AKAP6: variants seen among roughly 807,000 people sequenced by gnomAD.
AKAP6 encodes the protein A-kinase anchor protein 6.
Under a neutral mutation model 188.5 loss-of-function variants are expected in AKAP6, and 58 were observed. The ratio of observed to expected loss-of-function variants is 0.31; its 90% CI spans 0.25 to 0.38. The LOEUF (loss-of-function observed/expected upper bound fraction) is 0.38, where lower values mean the gene tolerates loss of function less well. AKAP6 is among the 10% of genes least tolerant of loss of function. The probability of loss-of-function intolerance (pLI) is 1.00; values close to 1 mark genes in which losing one functional copy is unlikely to be tolerated. For synonymous variants in AKAP6, 989 were observed against 998.6 expected (o/e 0.99, Z 0.18); for missense variants, 2,710 against 2,740.0 (o/e 0.99, Z 0.24).
intron 5 of AKAP6, among the ~76,000 whole-genome samples, chr14:32,598,328 A>G (rs1256281441): frequency 6.6e-6 from 1 of 152,170 alleles, no homozygotes; most frequent in African/African-American, 2.4e-5. Context: ...TTCAAAATCC[A>G]TGCTTGCTCC....
chr14:32,389,755 C>T (rs1213858580), intron 1 of AKAP6, among the ~76,000 whole-genome samples: 2 of 152,118 alleles, frequency 1.3e-5, no homozygotes, highest in Admixed American at 6.5e-5. Context: ...TTACCTGGTG[C>T]TTTTGTCTCA....
intron 9 of AKAP6, among the ~76,000 whole-genome samples, chr14:32,722,368 A>T (rs997781820): frequency 6.6e-6 from 1 of 152,054 alleles, no homozygotes; most frequent in Non-Finnish European, 1.5e-5. Flanking sequence ...TCTTAATTCA[A>T]TCCAAAATCA....
At chr14:32,602,270 A>C (rs950005861) in intron 7 of AKAP6, among the ~76,000 whole-genome samples, 2 of 152,142 alleles carry the variant, frequency 1.3e-5, no homozygotes, top group Non-Finnish European at 2.9e-5. Context: ...CTGAGGCAGG[A>C]GGATCACTTG....
intron 12 of AKAP6, among the ~76,000 whole-genome samples, chr14:32,788,063 G>A (rs1023003011): frequency 3.8e-5 from 5 of 130,186 alleles, no homozygotes; most frequent in South Asian, 2.4e-4. Flanking sequence ...AAAAAAAAAA[G>A]AAGGTGGGAA....
chr14:32,694,254 G>A (rs1490699234), intron 8 of AKAP6, among the ~76,000 whole-genome samples: 2 of 151,950 alleles, frequency 1.3e-5, no homozygotes, highest in Admixed American at 6.6e-5. Context: ...CCAGCTACTC[G>A]GGAGGCTGAG....
At chr14:32,727,261 A>C (rs1286888849) in intron 9 of AKAP6, among the ~76,000 whole-genome samples, 1 of 152,174 alleles carries the variant, frequency 6.6e-6, no homozygotes, top group Non-Finnish European at 1.5e-5. Context: ...TATGAAATTG[A>C]CATGAAAGTT....
intron 1 of AKAP6, among the ~76,000 whole-genome samples, chr14:32,408,202 C>G (rs868652608): frequency 8.5e-5 from 13 of 152,218 alleles, no homozygotes; most frequent in African/African-American, 3.1e-4. Flanking sequence ...AAGACTCTGG[C>G]TGGCTGGGAG....
chr14:32,424,150 A>G (rs1889952652), intron 1 of AKAP6, among the ~76,000 whole-genome samples: 2 of 152,138 alleles, frequency 1.3e-5, no homozygotes, highest in Admixed American at 1.3e-4. Context: ...GAGTGCATGT[A>G]TTGACTTTCC....
In AKAP6 at chr14:32,836,526, A is replaced by G. The variant is rs1455423235; in HGVS notation, c.*6721A>G. The G allele has an allele frequency of 6.6e-6, 1 of 152,150 alleles. No homozygotes were observed. Among genetic ancestry groups the G allele is most frequent in the Non-Finnish European group, 1.5e-5 (1 of 68,032 alleles). The allele number at this position is 152,150 out of a possible 1,614,324, so 9.4% of individuals were successfully genotyped here. A position where few individuals can be genotyped will look rare whatever the true frequency, so the allele number is the denominator to read the frequency against. Reference sequence around the variant, plus strand: ...ATAGACACTTCCAGGCTTTTGCCAAACATTAGTAAACAATTTCCAGTGAAT... The same window carrying G: ...ATAGACACTTCCAGGCTTTTGCCAAGCATTAGTAAACAATTTCCAGTGAAT... On this transcript the variant is annotated 3_prime_UTR_variant, in exon 14 of 14. Coordinates refer to ENST00000280979, the MANE Select transcript of AKAP6 (RefSeq NM_004274.5).
Position 32,834,063 on chromosome 14 carries a change from C to T in AKAP6, c.*4258C>T, listed in dbSNP as rs1428310771. On this transcript the variant is annotated 3_prime_UTR_variant, in exon 14 of 14. Transcript: ENST00000280979. ...TGTGTTAGCTGAGAACATGGGTATT[C>T]TTCTGCAAGTCTACAATACCATCTT... 1 of 152,150 alleles carries T rather than the reference C, an allele frequency of 6.6e-6. No homozygotes were observed. Among genetic ancestry groups the T allele is most frequent in the Non-Finnish European group, 1.5e-5 (1 of 68,038 alleles). 9.4% of individuals were successfully genotyped at this position (152,150 alleles called of 1,614,324 possible).
chr14:32,588,051 A>T (rs2139308348), intron 5 of AKAP6, among the ~76,000 whole-genome samples: 1 of 152,346 alleles, frequency 6.6e-6, no homozygotes, highest in East Asian at 1.9e-4. Context: ...ACTGGAAAAA[A>T]ATCAAATTGT....
Position 32,596,054 on chromosome 14 carries a change from A to G in AKAP6, c.2470-3356A>G, listed in dbSNP as rs567833224. On this transcript the variant is annotated intron_variant, in intron 5 of 13. Coordinates refer to ENST00000280979, the MANE Select transcript of AKAP6 (RefSeq NM_004274.5). ...GCTTGTTCATGAACATCACAAGACT[A>G]ATGGAACTCAGTGCACCTGGCAAAA... is the stretch of plus-strand genomic sequence containing the variant. 4.6e-5 allele frequency among the ~76,000 whole-genome samples: 7 copies of G among 152,258 alleles called. No homozygotes were observed. The East Asian group carries it at 1.2e-3, about 25-fold the overall frequency.
intron 4 of AKAP6, among the ~76,000 whole-genome samples, chr14:32,548,671 A>G (rs1883317055): frequency 6.6e-6 from 1 of 152,208 alleles, no homozygotes; most frequent in African/African-American, 2.4e-5. Context: ...AGAGACAGAG[A>G]CAGACAAACC....
At position 32,439,543 on chromosome 14, in the gene AKAP6, T is replaced by G. The variant is rs1890499089; in HGVS notation, c.324+5726T>G. On this transcript the variant is annotated intron_variant, in intron 2 of 13. Transcript: ENST00000280979. ...TGGCTGAAGCCAACTTTCCCCTTGTTCAGCAGGTGCAAAAGGGAAGGATTA... is the reference window on the plus strand; with the variant it reads ...TGGCTGAAGCCAACTTTCCCCTTGTGCAGCAGGTGCAAAAGGGAAGGATTA... Among the ~76,000 whole-genome samples, 4 of 152,174 alleles carry G rather than the reference T, an allele frequency of 2.6e-5. No homozygotes were observed. The South Asian group carries it at 8.3e-4, about 31-fold the overall frequency.
chr14:32,530,873 C>A (rs1882380399), intron 2 of AKAP6, among the ~76,000 whole-genome samples: 1 of 152,064 alleles, frequency 6.6e-6, no homozygotes, highest in Non-Finnish European at 1.5e-5. Context: ...AAGCATACAA[C>A]CCAATTTAAA....
At chr14:32,648,454 A>G (rs1888072773) in intron 7 of AKAP6, among the ~76,000 whole-genome samples, 1 of 152,098 alleles carries the variant, frequency 6.6e-6, no homozygotes. Flanking sequence ...CACCTTAAGC[A>G]AGAAGGATTG....
At chr14:32,584,518 A>G (rs1471322510) in intron 5 of AKAP6, among the ~76,000 whole-genome samples, 1 of 152,190 alleles carries the variant, frequency 6.6e-6, no homozygotes, top group Non-Finnish European at 1.5e-5. Flanking sequence ...ATACAATTTT[A>G]TGAGTTTTGA....
At chr14:32,813,339 T>C (rs2034287734) in intron 12 of AKAP6, among the ~76,000 whole-genome samples, 1 of 150,682 alleles carries the variant, frequency 6.6e-6, no homozygotes, top group Non-Finnish European at 1.5e-5. Flanking sequence ...TAGAAGTTCA[T>C]CAAATCTCTT....
intron 7 of AKAP6, among the ~76,000 whole-genome samples, chr14:32,605,208 T>C (rs1886083779): frequency 6.6e-6 from 1 of 152,124 alleles, no homozygotes; most frequent in Non-Finnish European, 1.5e-5. Context: ...CTGATAGAGA[T>C]AGGAACAAAG....
Sources: allele counts gnomAD v4.1 joint callset (sites outside exome capture counted in the v4.1 genomes callset), GRCh38; gene constraint gnomAD v4.1.1; transcripts MANE v1.5; gene names NCBI Gene and HGNC (gene_info 2026-07-23, HGNC 2026-07-21).